LAMTOR4: variants seen among roughly 807,000 people sequenced by gnomAD.
LAMTOR4 encodes the protein late endosomal/lysosomal adaptor, MAPK and MTOR activator 4.
In LAMTOR4, 11 loss-of-function variants were observed where a neutral mutation model predicts 13.5. That is an observed-to-expected ratio of 0.82 (90% CI 0.51 to 1.35). LAMTOR4 has a LOEUF of 1.35. Ranked by LOEUF, LAMTOR4 falls within the 40% of genes most tolerant of loss-of-function variation. The pLI is 0.00. For synonymous variants in LAMTOR4, 69 were observed against 52.3 expected, an observed-to-expected ratio of 1.32 and a Z score of -1.38; for missense variants, 128 against 126.2, an observed-to-expected ratio of 1.01 and a Z score of -0.07.
chr7:100,149,713 A>G (rs1798641746), intron 2 of LAMTOR4, 134 bp downstream of exon 2: 1 of 637,762 alleles, frequency 1.6e-6, no homozygotes, highest in East Asian at 2.7e-5. Context: ...AAGTATTTGC[A>G]GTTTTTGCAA....
chr7:100,149,324 CG>C, intron 1 of LAMTOR4, 174 bp from the exon 2 acceptor site: 2 of 618,598 alleles, frequency 3.2e-6, no homozygotes, highest in East Asian at 5.2e-5. Context: ...GATGGAGGCT[CG>C]GGAAGATCAG....
At chr7:100,149,139 G>A in intron 1 of LAMTOR4, 164 bp downstream of exon 1, 1 of 905,382 alleles carries the variant, frequency 1.1e-6, no homozygotes. Context: ...AGAATGCTGG[G>A]GAGGGGTCTG....
At chr7:100,151,506 A>G (rs1798701191) in intron 2 of LAMTOR4, among the ~76,000 whole-genome samples, 2 of 151,286 alleles carry the variant, frequency 1.3e-5, no homozygotes, top group African/African-American at 4.9e-5. Context: ...CTCCTGCCTC[A>G]GCCTCCCTAG....
At chr7:100,151,418 TCA>T (rs1194351645) in intron 2 of LAMTOR4, among the ~76,000 whole-genome samples, 5 of 151,222 alleles carry the variant, frequency 3.3e-5, no homozygotes, top group Non-Finnish European at 7.4e-5. Flanking sequence ...AGACGGAGTC[TCA>T]CTCTGTCACC....
chr7:100,149,039 T>C (rs762714384), intron 1 of LAMTOR4, 64 bp downstream of exon 1: 41 of 1,577,734 alleles, frequency 2.6e-5, no homozygotes, highest in Non-Finnish European at 3.4e-5. Context: ...CCCCAGTCTG[T>C]GTGGTTTCCC....
chr7:100,151,857 C>T (rs1798714147), intron 2 of LAMTOR4, among the ~76,000 whole-genome samples: 1 of 124,626 alleles, frequency 8.0e-6, no homozygotes, highest in Admixed American at 8.0e-5. Flanking sequence ...CCACCACGCC[C>T]AGCCATTAAA....
At chr7:100,151,264 A>T (rs1798690393) in intron 2 of LAMTOR4, among the ~76,000 whole-genome samples, 1 of 150,786 alleles carries the variant, frequency 6.6e-6, no homozygotes, top group African/African-American at 2.4e-5. Context: ...TAGTAGAGAG[A>T]GGGTTTCACC....
chr7:100,151,276 T>C (rs1474144825), intron 2 of LAMTOR4, among the ~76,000 whole-genome samples: 1 of 151,822 alleles, frequency 6.6e-6, no homozygotes, highest in Non-Finnish European at 1.5e-5. Context: ...GGTTTCACCA[T>C]GTTGGCCGGG....
At chr7:100,151,376 C>CTGTTTTTTTGTTTTTGTTTT (rs1307067581) in intron 2 of LAMTOR4, among the ~76,000 whole-genome samples, 2 of 149,466 alleles carry the variant, frequency 1.3e-5, no homozygotes, top group African/African-American at 4.9e-5. Flanking sequence ...TGCACCCGGC[C>CTGTTTTTTTGTTTTTGTTTT]TGTTTTTTTG....
intron 2 of LAMTOR4, 136 bp from the exon 3 acceptor site, chr7:100,153,264 T>G (rs547277440): frequency 2.9e-6 from 2 of 683,404 alleles, no homozygotes; most frequent in East Asian, 5.0e-5. Context: ...TCAGGTTGTT[T>G]TTTTCCAAAG....
intron 2 of LAMTOR4, 192 bp downstream of exon 2, chr7:100,149,771 G>A (rs555957963): frequency 1.2e-4 from 60 of 494,898 alleles, no homozygotes; most frequent in African/African-American, 1.0e-3. Flanking sequence ...TAACGGCTGC[G>A]ATTTATTTAT....
At chr7:100,149,368 G>A (rs1464737376) in intron 1 of LAMTOR4, 131 bp from the exon 2 acceptor site, 11 of 717,410 alleles carry the variant, frequency 1.5e-5, no homozygotes, top group African/African-American at 5.2e-5. Flanking sequence ...AGGGGGCCGG[G>A]AAGGGACCTG....
intron 2 of LAMTOR4, 148 bp downstream of exon 2, chr7:100,149,727 C>G (rs1798641801): frequency 1.7e-6 from 1 of 591,826 alleles, no homozygotes; most frequent in African/African-American, 1.8e-5. Flanking sequence ...TTTGCAATTA[C>G]TTTCAGTAAT....
In LAMTOR4 at chr7:100,149,812, G is replaced by A. The variant is rs1798643912; in HGVS notation, c.84+233G>A. ...GTTTTTGAGACTGAGTTTCGTTCTTGTTGCCCAAGCTGGAGTGCAGTGGTG... is the reference window on the plus strand; with the variant it reads ...GTTTTTGAGACTGAGTTTCGTTCTTATTGCCCAAGCTGGAGTGCAGTGGTG... On this transcript the variant is annotated intron_variant, in intron 2 of 3. Coordinates refer to ENST00000341942, the MANE Select transcript of LAMTOR4 (RefSeq NM_001008395.4). The A allele has an allele frequency of 1.5e-5, 6 of 412,884 alleles. No individual in the cohort carries two copies. In the Middle Eastern group the frequency reaches 2.2e-3, roughly 149 times the overall value. 25.6% of individuals were successfully genotyped at this position (412,884 alleles called of 1,614,324 possible). A position where few individuals can be genotyped will look rare whatever the true frequency, so the allele number is the denominator to read the frequency against.
Position 100,148,958 on chromosome 7 carries a change from G to A in LAMTOR4, c.-15G>A, listed in dbSNP as rs1427697618. The A allele has an allele frequency of 5.6e-6, 9 of 1,612,184 alleles. No homozygotes were observed. Among genetic ancestry groups the A allele is most frequent in the African/African-American group, 1.3e-5 (1 of 74,934 alleles). On this transcript the variant is annotated 5_prime_UTR_variant, in exon 1 of 4. Transcript: ENST00000341942. ...ACCTATCTGGTAGGGAGCTCCCCCA[G>A]CACCGAAGACTGCGATGGTGAGTGA...
rs552877824 is a variant in LAMTOR4, at chr7:100,153,535, C to G, written c.202+18C>G. On this transcript the variant is annotated intron_variant, in intron 3 of 3. Transcript: ENST00000341942. ...CCTGTCTGGTGAGCCCCTGCCCCTG[C>G]CCTTGGTGGTGGTACTGGGAGCGGG... 1.3e-6 allele frequency: 2 copies of G among 1,595,436 alleles called. No individual in the cohort carries two copies. The highest frequency in any genetic ancestry group is 2.2e-5 in the South Asian group (2 of 90,872).
At chr7:100,152,954 G>A (rs1363303869) in intron 2 of LAMTOR4, among the ~76,000 whole-genome samples, 1 of 152,046 alleles carries the variant, frequency 6.6e-6, no homozygotes, top group East Asian at 1.9e-4. Flanking sequence ...AAGAGTTTGA[G>A]ACCAGCTGAT....
Position 100,148,967 on chromosome 7 carries a change from A to C in LAMTOR4, c.-6A>C, listed in dbSNP as rs1281280714. ...GTAGGGAGCTCCCCCAGCACCGAAG[A>C]CTGCGATGGTGAGTGAGGACGCATG... On this transcript the variant is annotated 5_prime_UTR_variant, in exon 1 of 4. Transcript: ENST00000341942. 6.2e-7 allele frequency: 1 copy of C among 1,612,118 alleles called. No homozygotes were observed. Among genetic ancestry groups the C allele is most frequent in the Non-Finnish European group, 8.5e-7 (1 of 1,179,882 alleles).
At chr7:100,152,991 A>G (rs1007948673) in intron 2 of LAMTOR4, among the ~76,000 whole-genome samples, 9 of 152,168 alleles carry the variant, frequency 5.9e-5, no homozygotes, top group Non-Finnish European at 1.3e-4. Flanking sequence ...CGTCTCTACT[A>G]AAAATATAAA....
Sources: allele counts gnomAD v4.1 joint callset (sites outside exome capture counted in the v4.1 genomes callset), GRCh38; gene constraint gnomAD v4.1.1; transcripts MANE v1.5; gene names NCBI Gene and HGNC (gene_info 2026-07-23, HGNC 2026-07-21).